The following SLC25A40 variants were observed in gnomAD, a reference collection of about 807,000 sequenced individuals.
SLC25A40 encodes the protein solute carrier family 25 member 40.
SLC25A40 carries 41 observed loss-of-function variants against 46.5 expected under a neutral mutation model. That is an observed-to-expected ratio of 0.88 (90% CI 0.69 to 1.14). The LOEUF is 1.14. Ranked by LOEUF, SLC25A40 falls within the 50% of genes most tolerant of loss-of-function variation. The pLI, the probability that SLC25A40 is intolerant of heterozygous loss-of-function variation, is 0.00. For missense variants in SLC25A40, 386 were observed against 393.6 expected (o/e 0.98, Z 0.16); for synonymous variants, 126 against 127.5 (o/e 0.99, Z 0.08).
chr7:87,870,069 TTATATCTTCTTTGGAGAAA>T (rs1031416259), intron 1 of SLC25A40, among the ~76,000 whole-genome samples: 22 of 152,094 alleles, frequency 1.4e-4, no homozygotes, highest in South Asian at 2.1e-4. Context: ...TGCATAACAA[TTATATCTTCTTTGGAGAAA>T]TATATCTTCT....
chr7:87,865,032 A>G (rs1010297777), intron 1 of SLC25A40, among the ~76,000 whole-genome samples: 1 of 148,076 alleles, frequency 6.8e-6, no homozygotes, highest in African/African-American at 2.5e-5. Flanking sequence ...ACTGGAGTGC[A>G]ATGGCAGGAT....
chr7:87,846,184 C>A (rs2131001276), intron 8 of SLC25A40, among the ~76,000 whole-genome samples: 1 of 152,142 alleles, frequency 6.6e-6, no homozygotes, highest in East Asian at 1.9e-4. Flanking sequence ...TAATGTTTGG[C>A]AATAATACAT....
At chr7:87,842,432 C>G (rs1052242714) in intron 9 of SLC25A40, among the ~76,000 whole-genome samples, 2 of 151,924 alleles carry the variant, frequency 1.3e-5, no homozygotes, top group Non-Finnish European at 2.9e-5. Flanking sequence ...AAGGTTAAAA[C>G]TGGTATGCAT....
At chr7:87,863,481 A>G (rs1017467966) in intron 1 of SLC25A40, among the ~76,000 whole-genome samples, 1 of 152,052 alleles carries the variant, frequency 6.6e-6, no homozygotes, top group Non-Finnish European at 1.5e-5. Flanking sequence ...CTCCCCAGCC[A>G]CAATGAACTG....
Position 87,858,717 on chromosome 7 carries a change from T to G in SLC25A40, c.11A>C (p.Glu4Ala), listed in dbSNP as rs1165879532. The G allele has an allele frequency of 6.2e-7, 1 of 1,609,882 alleles. No individual in the cohort carries two copies. The highest frequency in any genetic ancestry group is 8.5e-7 in the Non-Finnish European group (1 of 1,176,442). Reference sequence around the variant, plus strand: ...TTTGATAATCTCTTGTCCCCTTGTCTCAGGATCCATATTTTTAACTAATTA... The same window carrying G: ...TTTGATAATCTCTTGTCCCCTTGTCGCAGGATCCATATTTTTAACTAATTA... MDP[E>A]TRGQEIIKVT... Residue 4 changes from glutamate to alanine, a missense_variant, in exon 3 of 12, where the codon GAG (glutamate) becomes GCG (alanine). Coordinates refer to ENST00000341119, the MANE Select transcript of SLC25A40 (RefSeq NM_018843.4).
chr7:87,838,593 T>A (rs894410710), intron 10 of SLC25A40, among the ~76,000 whole-genome samples: 8 of 151,544 alleles, frequency 5.3e-5, no homozygotes, highest in African/African-American at 1.7e-4. Flanking sequence ...ATTTTTCAGA[T>A]CCAGTTAAAG....
At chr7:87,848,260 C>T (rs1289766516) in intron 6 of SLC25A40, among the ~76,000 whole-genome samples, 1 of 152,166 alleles carries the variant, frequency 6.6e-6, no homozygotes, top group South Asian at 2.1e-4. Context: ...TAAGCGCTAG[C>T]ATGGTGGCAC....
In SLC25A40 at chr7:87,836,806, A is replaced by G; in HGVS notation, c.828T>C (p.Ser276=). Residue 276 remains serine (S), a synonymous_variant, in exon 11 of 12, where the codon TCT becomes TCC. Transcript: ENST00000341119. ...TCCAGGTTGACATATGCAAAGGCAT[A>G]GAAACTAAATGTTAAAATAAAGAAA... ...QLWTYESHKI[S]MPLHMSTWII... is the part of the protein sequence containing the mutation. The G allele has an allele frequency of 6.7e-7, 1 of 1,499,684 alleles. No individual in the cohort carries two copies. The highest frequency in any genetic ancestry group is 8.9e-7 in the Non-Finnish European group (1 of 1,124,734). 92.9% of individuals were successfully genotyped at this position (1,499,684 alleles called of 1,614,324 possible). A position where few individuals can be genotyped will look rare whatever the true frequency, so the allele number is the denominator to read the frequency against.
intron 5 of SLC25A40, 75 bp downstream of exon 5, chr7:87,854,129 T>C (rs1838563228): frequency 1.4e-5 from 14 of 1,010,110 alleles, no homozygotes; most frequent in Non-Finnish European, 2.0e-5. Context: ...TTAACCCTCT[T>C]GCAATTAGAA....
intron 8 of SLC25A40, 64 bp from the exon 9 acceptor site, chr7:87,843,927 G>A: frequency 7.0e-7 from 1 of 1,435,258 alleles, no homozygotes; most frequent in Non-Finnish European, 9.4e-7. Context: ...TAATAAAAGA[G>A]TTATGAGGTT....
intron 6 of SLC25A40, among the ~76,000 whole-genome samples, chr7:87,849,301 T>A (rs1216984999): frequency 6.6e-6 from 1 of 152,108 alleles, no homozygotes. Context: ...TGAGAATATA[T>A]CCCCAGGAGT....
At chr7:87,848,074 T>C (rs1322810078) in intron 6 of SLC25A40, 97 bp from the exon 7 acceptor site, 29 of 1,367,476 alleles carry the variant, frequency 2.1e-5, no homozygotes, top group Non-Finnish European at 2.8e-5. Context: ...TAAAAAAGTC[T>C]TATATTTTGT....
chr7:87,858,564 C>G, intron 3 of SLC25A40, 67 bp downstream of exon 3: 2 of 891,970 alleles, frequency 2.2e-6, no homozygotes, highest in Non-Finnish European at 3.7e-6. Flanking sequence ...AATACTGATA[C>G]TAAAACTCAA....
intron 10 of SLC25A40, among the ~76,000 whole-genome samples, chr7:87,838,309 C>T (rs1242863620): frequency 6.6e-6 from 1 of 151,364 alleles, no homozygotes; most frequent in African/African-American, 2.4e-5. Flanking sequence ...TGTTTCTAAT[C>T]TTGTAGAACT....
At chr7:87,870,866 T>C (rs1376097387) in intron 1 of SLC25A40, among the ~76,000 whole-genome samples, 4 of 152,104 alleles carry the variant, frequency 2.6e-5, no homozygotes, top group Non-Finnish European at 4.4e-5. Context: ...TGTGACCTCA[T>C]TCCTCCTGGA....
rs1367090251 is a variant in SLC25A40 at position 87,843,749 on chromosome 7, C to T, written c.741+5G>A. ...GGAATATTAACAACAAAAGAATAAA[C>T]TTACAGAACCAGACAATGCCCCTGA... On this transcript the variant is annotated splice_donor_5th_base_variant and intron_variant, in intron 9 of 11. Transcript: ENST00000341119. The T allele has an allele frequency of 1.9e-6, 3 of 1,586,882 alleles. No homozygotes were observed. In the East Asian group the frequency reaches 6.7e-5, roughly 36 times the overall value.
intron 1 of SLC25A40, among the ~76,000 whole-genome samples, chr7:87,861,712 TCTC>T (rs911406820): frequency 1.3e-5 from 2 of 152,134 alleles, no homozygotes; most frequent in Non-Finnish European, 2.9e-5. Flanking sequence ...TAGGTATACT[TCTC>T]CTCCAGAATG....
intron 5 of SLC25A40, among the ~76,000 whole-genome samples, chr7:87,852,067 G>C (rs1055626534): frequency 6.6e-6 from 1 of 152,106 alleles, no homozygotes; most frequent in Non-Finnish European, 1.5e-5. Context: ...CTGTCTAAAA[G>C]AAATTCACTT....
At chr7:87,862,819 AGAG>A (rs1409228730) in intron 1 of SLC25A40, among the ~76,000 whole-genome samples, 1 of 152,216 alleles carries the variant, frequency 6.6e-6, no homozygotes, top group Non-Finnish European at 1.5e-5. Flanking sequence ...ACATGGCAGC[AGAG>A]AAGAGAACTT....
Sources: gnomAD v4.1 joint callset for allele counts (sites outside exome capture counted in the v4.1 genomes callset) on GRCh38, gnomAD v4.1.1 for gene constraint, MANE v1.5 for transcripts, NCBI Gene and HGNC (gene_info 2026-07-23, HGNC 2026-07-21) for gene names.